VMP1: variants seen among roughly 807,000 people sequenced by gnomAD.
The protein encoded by VMP1 is vacuole membrane protein 1.
A neutral mutation model predicts 56.0 loss-of-function variants in VMP1; 11 were observed. That is an observed-to-expected ratio of 0.20 (90% CI 0.12 to 0.32). The LOEUF is 0.32. VMP1 is among the 10% of genes least tolerant of loss of function. The pLI is 1.00. For missense variants in VMP1, 296 were observed against 490.3 expected (o/e 0.60, Z 3.74); for synonymous variants, 149 against 165.0 (o/e 0.90, Z 0.74).
rs55873230 is a variant in VMP1, at chr17:59,739,174, G to T, written c.414+227G>T. Among the ~76,000 whole-genome samples the T allele has an allele frequency of 1.9e-3, 294 of 152,210 alleles. 2 individuals carry two copies. Among genetic ancestry groups the T allele is most frequent in the Non-Finnish European group, 3.2e-3 (220 of 68,006 alleles). On this transcript the variant is annotated intron_variant, in intron 5 of 11. Coordinates refer to ENST00000262291, the MANE Select transcript of VMP1 (RefSeq NM_030938.5). The stretch of plus-strand genomic sequence containing the variant: ...AGAAAACCCCAGTTAAGCAAATAAG[G>T]TTGTTTATTTAAATTAGTTTAGCGT...
intron 6 of VMP1, among the ~76,000 whole-genome samples, chr17:59,767,136 T>A (rs1425975398): frequency 6.6e-6 from 1 of 151,954 alleles, no homozygotes. Flanking sequence ...TTTTTTTTTT[T>A]AACTCATTGG....
intron 7 of VMP1, among the ~76,000 whole-genome samples, chr17:59,790,362 A>G (rs570227520): frequency 1.8e-4 from 28 of 152,334 alleles, no homozygotes; most frequent in African/African-American, 6.5e-4. Flanking sequence ...ATTCCCTGAC[A>G]TGGGTCTGCA....
At chr17:59,718,610 C>A (rs1471552141) in intron 1 of VMP1, among the ~76,000 whole-genome samples, 5 of 150,984 alleles carry the variant, frequency 3.3e-5, no homozygotes, top group Admixed American at 6.6e-5. Flanking sequence ...CTCAGGCAGT[C>A]CTCTGGTCTC....
At chr17:59,795,110 C>T (rs546161882) in intron 7 of VMP1, among the ~76,000 whole-genome samples, 4 of 150,340 alleles carry the variant, frequency 2.7e-5, no homozygotes, top group East Asian at 2.0e-4. Context: ...CAAGTAGCTG[C>T]GATTACAGGC....
At chr17:59,748,588 T>G (rs901305235) in intron 5 of VMP1, among the ~76,000 whole-genome samples, 1 of 152,222 alleles carries the variant, frequency 6.6e-6, no homozygotes, top group African/African-American at 2.4e-5. Context: ...TGAAATTACT[T>G]GTACAGTTTT....
At chr17:59,738,778 A>T in intron 4 of VMP1, 59 bp from the exon 5 acceptor site, 1 of 1,205,066 alleles carries the variant, frequency 8.3e-7, no homozygotes, top group Non-Finnish European at 1.2e-6. Context: ...ATGATGGTTT[A>T]TAAATACCGC....
intron 7 of VMP1, among the ~76,000 whole-genome samples, chr17:59,774,760 G>T (rs948884073): frequency 6.6e-6 from 1 of 151,928 alleles, no homozygotes; most frequent in Non-Finnish European, 1.5e-5. Flanking sequence ...ATAGCTTACT[G>T]CAGCTTCAAA....
intron 5 of VMP1, 42 bp downstream of exon 5, chr17:59,738,989 T>C: frequency 6.9e-7 from 1 of 1,446,814 alleles, no homozygotes; most frequent in African/African-American, 1.5e-5. Flanking sequence ...TGATATTTCC[T>C]ATCTTTTTAT....
chr17:59,827,378 G>A (rs763780442), intron 10 of VMP1, among the ~76,000 whole-genome samples: 43 of 151,642 alleles, frequency 2.8e-4, no homozygotes, highest in South Asian at 6.2e-4. Context: ...GTGCAGTGGC[G>A]TGATCTCAGC....
chr17:59,831,049 C>T lies in VMP1; in HGVS notation c.975-7246C>T, dbSNP rs192616342. Among the ~76,000 whole-genome samples the T allele has an allele frequency of 3.6e-4, 55 of 152,204 alleles. 1 individual carries two copies. The East Asian group carries it at 0.011, about 29-fold the overall frequency. On this transcript the variant is annotated intron_variant, in intron 10 of 11. Transcript: ENST00000262291. ...CTGTGTTGCCCAAGCTGATCTTGAA[C>T]TCTTAGACTCAAGCAGTCCTCCCAC...
chr17:59,773,654 T>A, intron 6 of VMP1, 100 bp from the exon 7 acceptor site: 1 of 1,209,328 alleles, frequency 8.3e-7, no homozygotes, highest in Non-Finnish European at 1.1e-6. Flanking sequence ...ATATTGCATC[T>A]CAAAATGCTT....
At chr17:59,821,322 C>G (rs893605528) in intron 10 of VMP1, among the ~76,000 whole-genome samples, 2 of 151,770 alleles carry the variant, frequency 1.3e-5, no homozygotes, top group Admixed American at 6.6e-5. Context: ...CTGGCATGGC[C>G]CCTCAAAAAA....
intron 9 of VMP1, among the ~76,000 whole-genome samples, chr17:59,816,407 C>T (rs1432178731): frequency 6.6e-6 from 1 of 152,176 alleles, no homozygotes; most frequent in Non-Finnish European, 1.5e-5. Context: ...TCATAATATT[C>T]ACATACCAAT....
intron 9 of VMP1, among the ~76,000 whole-genome samples, chr17:59,813,349 G>A (rs889484725): frequency 2.6e-5 from 4 of 152,202 alleles, no homozygotes; most frequent in East Asian, 3.9e-4. Context: ...AGGCCGAGGC[G>A]GGTGGATCAC....
chr17:59,779,486 G>T (rs2144063593), intron 7 of VMP1, among the ~76,000 whole-genome samples: 1 of 152,276 alleles, frequency 6.6e-6, no homozygotes, highest in African/African-American at 2.4e-5. Context: ...GTGGGGCAAA[G>T]TATTTTGCTT....
intron 6 of VMP1, among the ~76,000 whole-genome samples, chr17:59,766,360 C>T (rs1419963249): frequency 2.0e-5 from 3 of 151,990 alleles, no homozygotes; most frequent in Admixed American, 6.6e-5. Context: ...ACAGATTAGC[C>T]GGGCGTGGTG....
chr17:59,815,279 A>T (rs2173120), intron 9 of VMP1, among the ~76,000 whole-genome samples: 28,173 of 151,912 alleles, frequency 0.19, 3,211 homozygotes, highest in East Asian at 0.44. Context: ...TTTTTTAAGA[A>T]GTAGTATCCT....
intron 11 of VMP1, 153 bp from the exon 12 acceptor site, chr17:59,839,615 T>TCTC: frequency 2.3e-6 from 2 of 880,254 alleles, no homozygotes; most frequent in South Asian, 1.9e-5. Flanking sequence ...AGGAGAGTAA[T>TCTC]GGAGATTTCA....
At chr17:59,803,298 C>G (rs1348542110) in intron 7 of VMP1, among the ~76,000 whole-genome samples, 1 of 152,078 alleles carries the variant, frequency 6.6e-6, no homozygotes, top group Non-Finnish European at 1.5e-5. Flanking sequence ...AAGGCTTTGT[C>G]TTTCTGTATT....
Sources: allele counts gnomAD v4.1 joint callset (sites outside exome capture counted in the v4.1 genomes callset), GRCh38; gene constraint gnomAD v4.1.1; transcripts MANE v1.5; gene names NCBI Gene and HGNC (gene_info 2026-07-23, HGNC 2026-07-21).